Variants in WDR44 observed in about 807,000 individuals in gnomAD.
WDR44 encodes WD repeat-containing protein 44.
In WDR44, 9 loss-of-function variants were observed where a neutral mutation model predicts 65.7. That is an observed-to-expected ratio of 0.14 (90% CI 0.08 to 0.24). The LOEUF is 0.24. Ranked by LOEUF, WDR44 falls within the 10% of genes least tolerant of loss-of-function variation. The pLI, the probability that WDR44 is intolerant of heterozygous loss-of-function variation, is 1.00. For synonymous variants in WDR44, 220 were observed against 235.2 expected, an observed-to-expected ratio of 0.94 and a Z score of 0.59; for missense variants, 425 against 670.9, an observed-to-expected ratio of 0.63 and a Z score of 4.05.
chrX:118,436,908 G>A, intron 14 of WDR44, 84 bp downstream of exon 14: 1 of 936,211 alleles, frequency 1.1e-6, no homozygotes, highest in Non-Finnish European at 1.4e-6. Context: ...TTGGACTACA[G>A]GAAAAAAATT....
intron 1 of WDR44, among the ~76,000 whole-genome samples, chrX:118,372,561 A>C (rs2056622386): frequency 9.0e-6 from 1 of 111,683 alleles, no homozygotes; most frequent in African/African-American, 3.3e-5. Context: ...AGAAATAAGC[A>C]TTTAAAAAGC....
intron 12 of WDR44, among the ~76,000 whole-genome samples, chrX:118,428,806 T>C (rs1485325830): frequency 8.9e-6 from 1 of 112,154 alleles, no homozygotes; most frequent in Non-Finnish European, 1.9e-5. Flanking sequence ...TCAACAAAAA[T>C]GCCTATCAAT....
intron 1 of WDR44, among the ~76,000 whole-genome samples, chrX:118,366,317 C>G (rs2056552743): frequency 2.7e-5 from 3 of 111,529 alleles, no homozygotes; most frequent in Non-Finnish European, 5.6e-5. Flanking sequence ...TTAGCACATT[C>G]TGAGTGCCAG....
chrX:118,407,696 T>C (rs1185527122), intron 10 of WDR44, among the ~76,000 whole-genome samples: 1 of 112,131 alleles, frequency 8.9e-6, no homozygotes, highest in Non-Finnish European at 1.9e-5. Flanking sequence ...ATATATGTTG[T>C]AAAGTGAGAT....
At chrX:118,352,364 T>A (rs1422340437) in intron 1 of WDR44, among the ~76,000 whole-genome samples, 6 of 62,572 alleles carry the variant, frequency 9.6e-5, no homozygotes, top group African/African-American at 4.0e-4. Context: ...TTTTTTTTTT[T>A]TTTTTTTTTG....
Position 118,376,832 on chromosome X carries a change from G to A in WDR44, c.78-1587G>A, listed in dbSNP as rs139832193. The stretch of plus-strand genomic sequence containing the variant: ...CACCTTTAGCAATATGGCAAACCCC[G>A]TCTCTATACAAAAGTACAGAAATCA... On this transcript the variant is annotated intron_variant, in intron 1 of 19. Transcript: ENST00000254029. Among the ~76,000 whole-genome samples the A allele has an allele frequency of 6.9e-3, 750 of 109,419 alleles. 10 individuals are homozygous for A. Among genetic ancestry groups the A allele is most frequent in the African/African-American group, 0.024 (715 of 30,016 alleles).
chrX:118,447,799 G>GGAGTATGA (rs2147759038), intron 19 of WDR44, among the ~76,000 whole-genome samples: 1 of 103,614 alleles, frequency 9.7e-6, no homozygotes, highest in South Asian at 4.4e-4. Flanking sequence ...TTTGAGCCCA[G>GGAGTATGA]GAGTATGAGG....
At chrX:118,447,873 AAAATAT>A (rs1334510565) in intron 19 of WDR44, among the ~76,000 whole-genome samples, 3 of 67,021 alleles carry the variant, frequency 4.5e-5, no homozygotes, top group African/African-American at 1.7e-4. Context: ...GACTCTATCT[AAAATAT>A]ATATATATAT....
intron 18 of WDR44, 86 bp downstream of exon 18, chrX:118,443,773 A>G (rs1483920466): frequency 4.0e-6 from 4 of 998,541 alleles, no homozygotes; most frequent in Non-Finnish European, 5.3e-6. Flanking sequence ...GACCGGACAC[A>G]GTGGCTCACG....
chrX:118,439,626 G>A (rs760138797), intron 14 of WDR44, among the ~76,000 whole-genome samples: 1 of 111,355 alleles, frequency 9.0e-6, no homozygotes, highest in South Asian at 3.8e-4. Flanking sequence ...ATGTATGTAT[G>A]TGACAATTCT....
At chrX:118,350,949 T>C (rs1019013900) in intron 1 of WDR44, among the ~76,000 whole-genome samples, 13 of 111,536 alleles carry the variant, frequency 1.2e-4, no homozygotes, top group South Asian at 7.6e-4. Context: ...AGAGCCCAGG[T>C]CTCTTGATTC....
At chrX:118,399,433 T>C (rs1270559957) in intron 8 of WDR44, among the ~76,000 whole-genome samples, 3 of 111,597 alleles carry the variant, frequency 2.7e-5, no homozygotes, top group East Asian at 2.8e-4. Context: ...AAAGAAAGCA[T>C]TGAGAATTTT....
chrX:118,370,590 T>C (rs1230181315), intron 1 of WDR44, among the ~76,000 whole-genome samples: 1 of 108,397 alleles, frequency 9.2e-6, no homozygotes, highest in Non-Finnish European at 1.9e-5. Flanking sequence ...ATAATAAACC[T>C]CTTTTTTTTT....
chrX:118,391,417 T>C (rs2056819199), intron 3 of WDR44, among the ~76,000 whole-genome samples: 1 of 111,938 alleles, frequency 8.9e-6, no homozygotes, highest in Non-Finnish European at 1.9e-5. Context: ...TAGAACATGC[T>C]AAGAAATCAG....
intron 8 of WDR44, among the ~76,000 whole-genome samples, chrX:118,402,996 A>G (rs1368921416): frequency 9.0e-6 from 1 of 111,642 alleles, no homozygotes; most frequent in Non-Finnish European, 1.9e-5. Flanking sequence ...CTCTGTATCT[A>G]CTGTGTTTTT....
At position 118,394,012 on chromosome X, in the gene WDR44, A is replaced by G. The variant is rs772160858; in HGVS notation, c.827-43A>G. 40 of 1,153,887 alleles carry G rather than the reference A, an allele frequency of 3.5e-5. No individual in the cohort carries two copies. In the East Asian group the frequency reaches 1.2e-3, roughly 35 times the overall value. ...CTCACAGGGTTGTTACAAGAATCAA[A>G]CAAAAAGGGTTGTTATTATTGTTGT... On this transcript the variant is annotated intron_variant, in intron 4 of 19. Transcript: ENST00000254029.
In WDR44 at chrX:118,378,401, A is replaced by C; in HGVS notation, c.78-18A>C. The C allele has an allele frequency of 8.3e-7, 1 of 1,201,891 alleles. No individual in the cohort carries two copies. Among genetic ancestry groups the C allele is most frequent in the East Asian group, 3.0e-5 (1 of 33,764 alleles). ...CATCTCCTCTATTCAACACCTCCTT[A>C]CTTTTATTTCTGAACAGGTCTCCAG... On this transcript the variant is annotated intron_variant, in intron 1 of 19. Coordinates refer to ENST00000254029, the MANE Select transcript of WDR44 (RefSeq NM_019045.5).
intron 3 of WDR44, among the ~76,000 whole-genome samples, chrX:118,389,272 G>A (rs2056797637): frequency 8.9e-6 from 1 of 112,172 alleles, no homozygotes; most frequent in Non-Finnish European, 1.9e-5. Context: ...GAAGAAATTG[G>A]ATAAACACAA....
intron 1 of WDR44, among the ~76,000 whole-genome samples, chrX:118,358,308 G>A (rs1485335231): frequency 8.9e-6 from 1 of 112,195 alleles, no homozygotes; most frequent in Non-Finnish European, 1.9e-5. Context: ...AAAGCCATAT[G>A]TCTTTCTTTT....
Sources: gnomAD v4.1 joint callset for allele counts (sites outside exome capture counted in the v4.1 genomes callset) on GRCh38, gnomAD v4.1.1 for gene constraint, MANE v1.5 for transcripts, NCBI Gene and HGNC (gene_info 2026-07-23, HGNC 2026-07-21) for gene names.